Variants in GNG7 observed in about 807,000 individuals in gnomAD.
The protein encoded by GNG7 is G protein subunit gamma 7.
In GNG7, 1 loss-of-function variant was observed where a neutral mutation model predicts 4.0. The ratio of observed to expected loss-of-function variants is 0.25; its 90% CI spans 0.09 to 1.18. The LOEUF (loss-of-function observed/expected upper bound fraction) is 1.18. Ranked by LOEUF, GNG7 falls within the 50% of genes most tolerant of loss-of-function variation. GNG7 has a pLI of 0.50. For synonymous variants in GNG7, 34 were observed against 36.9 expected, an observed-to-expected ratio of 0.92 and a Z score of 0.29; for missense variants, 86 against 91.9, an observed-to-expected ratio of 0.94 and a Z score of 0.26.
intron 3 of GNG7, among the ~76,000 whole-genome samples, chr19:2,537,235 C>A (rs1978771328): frequency 1.3e-5 from 2 of 151,962 alleles, no homozygotes; most frequent in Admixed American, 1.3e-4. Flanking sequence ...AAGCATGAGC[C>A]ACCGCGCCCG....
In GNG7 at chr19:2,514,976, G is replaced by T; in HGVS notation, c.*46C>A. The T allele has an allele frequency of 6.7e-7, 1 of 1,483,000 alleles. No homozygotes were observed. Among genetic ancestry groups the T allele is most frequent in the African/African-American group, 1.4e-5 (1 of 72,492 alleles). 91.9% of individuals were successfully genotyped at this position (1,483,000 alleles called of 1,614,324 possible). ...TGAGACAGAGACAGAGACAGAGAGA[G>T]AGAGAGAGAAAGAGAGAGAGAGAGA... On this transcript the variant is annotated 3_prime_UTR_variant, in exon 5 of 5. Transcript: ENST00000382159.
chr19:2,692,453 G>A (rs893120632), intron 1 of GNG7, among the ~76,000 whole-genome samples: 2 of 151,904 alleles, frequency 1.3e-5, no homozygotes, highest in African/African-American at 2.4e-5. Flanking sequence ...GGCTAACACG[G>A]TGAAACCCCA....
intron 1 of GNG7, among the ~76,000 whole-genome samples, chr19:2,678,733 AACT>A (rs1397934409): frequency 2.0e-5 from 3 of 152,090 alleles, no homozygotes; most frequent in Admixed American, 6.5e-5. Flanking sequence ...CCAGCCTGGT[AACT>A]ACTTCTCTCA....
chr19:2,553,607 A>G (rs1239292570), intron 3 of GNG7, among the ~76,000 whole-genome samples: 1 of 146,882 alleles, frequency 6.8e-6, no homozygotes, highest in East Asian at 1.9e-4. Flanking sequence ...CATGCAATAT[A>G]TCATACTACA....
At chr19:2,527,790 G>T (rs1325164014) in intron 3 of GNG7, among the ~76,000 whole-genome samples, 1 of 142,028 alleles carries the variant, frequency 7.0e-6, no homozygotes, top group African/African-American at 2.7e-5. Flanking sequence ...CCCCCCACCA[G>T]TGCGCCCACA....
intron 2 of GNG7, among the ~76,000 whole-genome samples, chr19:2,605,612 G>C (rs7250081): frequency 0.42 from 59,075 of 140,194 alleles, 12,928 homozygotes; most frequent in African/African-American, 0.58. Context: ...CTCCTCAGCT[G>C]AAGTGATTCT....
At chr19:2,685,389 C>T (rs1012378698) in intron 1 of GNG7, among the ~76,000 whole-genome samples, 7 of 152,120 alleles carry the variant, frequency 4.6e-5, no homozygotes, top group South Asian at 2.1e-4. Flanking sequence ...TTTGGGAGGC[C>T]GAGGCTGAAG....
intron 1 of GNG7, among the ~76,000 whole-genome samples, chr19:2,687,206 C>T (rs966288044): frequency 5.3e-5 from 8 of 152,132 alleles, no homozygotes; most frequent in African/African-American, 9.6e-5. Context: ...TACAGGCATG[C>T]GCCACTATAC....
chr19:2,681,413 G>A (rs1983732870), intron 1 of GNG7, among the ~76,000 whole-genome samples: 1 of 152,102 alleles, frequency 6.6e-6, no homozygotes, highest in East Asian at 1.9e-4. Flanking sequence ...TCGATCTCCT[G>A]ACCTCATGAT....
At chr19:2,615,785 C>G (rs1004473510) in intron 2 of GNG7, among the ~76,000 whole-genome samples, 1 of 152,094 alleles carries the variant, frequency 6.6e-6, no homozygotes, top group Non-Finnish European at 1.5e-5. Context: ...TCTGAAGAGC[C>G]ACTGCTGAGC....
At chr19:2,545,416 G>C (rs1979091991) in intron 3 of GNG7, among the ~76,000 whole-genome samples, 2 of 152,030 alleles carry the variant, frequency 1.3e-5, no homozygotes, top group South Asian at 4.1e-4. Context: ...GGGAGACCGA[G>C]GCGGGCGGAT....
In GNG7 at chr19:2,614,066, G is replaced by T. The variant is rs1471200405; in HGVS notation, c.-78+32158C>A. Among the ~76,000 whole-genome samples, 1 of 152,222 alleles carries T rather than the reference G, an allele frequency of 6.6e-6. No homozygotes were observed. The highest frequency in any genetic ancestry group is 1.5e-5 in the Non-Finnish European group (1 of 68,030). ...CGCGCCTACCCCCGGGGTAAAGGGG[G>T]CCAGCCTCGCACAGGTGGGTCCGTT... On this transcript the variant is annotated intron_variant, in intron 2 of 4. Transcript: ENST00000382159. This position sits in a 1 kb window ranked among gnomAD's most constrained non-coding sequence, Gnocchi z 6.0.
intron 3 of GNG7, among the ~76,000 whole-genome samples, chr19:2,544,686 G>C (rs1979067917): frequency 6.6e-6 from 1 of 152,136 alleles, no homozygotes. Context: ...CCACCGTGCT[G>C]GGCCAACAGT....
chr19:2,619,832 TTAGA>T (rs554445840), intron 2 of GNG7, among the ~76,000 whole-genome samples: 218 of 151,910 alleles, frequency 1.4e-3, no homozygotes, highest in Non-Finnish European at 2.9e-3. Context: ...TGTTCCGGAA[TTAGA>T]TAAAGGAGAT....
chr19:2,525,970 A>ATTTTTTTTTTTTTT (rs1568231777), intron 3 of GNG7, among the ~76,000 whole-genome samples: 1 of 26,778 alleles, frequency 3.7e-5, no homozygotes, highest in African/African-American at 2.9e-4. Context: ...CCTCCACGCC[A>ATTTTTTTTTTTTTT]ATTTTTTTTT....
chr19:2,514,880 T>G lies in GNG7; in HGVS notation c.*142A>C. The G allele has an allele frequency of 1.5e-6, 1 of 683,314 alleles. No homozygotes were observed. Among genetic ancestry groups the G allele is most frequent in the Non-Finnish European group, 2.4e-6 (1 of 414,078 alleles). The allele number at this position is 683,314 out of a possible 1,614,324, so 42.3% of individuals were successfully genotyped here. A position where few individuals can be genotyped will look rare whatever the true frequency, so the allele number is the denominator to read the frequency against. On this transcript the variant is annotated 3_prime_UTR_variant, in exon 5 of 5. Transcript: ENST00000382159. The stretch of plus-strand genomic sequence containing the variant: ...CTTTTTTGGCGGGGAGAGGGGGGAT[T>G]TCTTTTGGAATTAAAGGTTTTGGGG...
rs541747170 is a variant in GNG7, at chr19:2,609,005, G to A, written c.-78+37219C>T. 7.5e-6 allele frequency among the ~76,000 whole-genome samples: 1 copy of A among 133,618 alleles called. No homozygotes were observed. Among genetic ancestry groups the A allele is most frequent in the South Asian group, 2.5e-4 (1 of 4,038 alleles). 87.7% of individuals were successfully genotyped at this position (133,618 alleles called of 152,430 possible). A position where few individuals can be genotyped will look rare whatever the true frequency, so the allele number is the denominator to read the frequency against. ...CAAACATCATGCCTACCTAGTTCTT[G>A]TACATTCTCTCTCTCTCTCTCTCTC... On this transcript the variant is annotated intron_variant, in intron 2 of 4. Coordinates refer to ENST00000382159, the MANE Select transcript of GNG7 (RefSeq NM_052847.3). This position sits in a 1 kb window ranked among gnomAD's most constrained non-coding sequence, Gnocchi z 4.4.
chr19:2,599,435 C>T (rs1286173006), intron 2 of GNG7, among the ~76,000 whole-genome samples: 2 of 152,046 alleles, frequency 1.3e-5, no homozygotes, highest in African/African-American at 2.4e-5. Context: ...ACCGCCCACC[C>T]GGGTGGGTTT....
At position 2,511,693 on chromosome 19, in the gene GNG7, C is replaced by T. The variant is rs779991684; in HGVS notation, c.*3329G>A. 3.1e-5 allele frequency: 18 copies of T among 579,582 alleles called. No individual in the cohort carries two copies. The highest frequency in any genetic ancestry group is 3.7e-5 in the Non-Finnish European group (17 of 458,892). The allele number at this position is 579,582 out of a possible 1,614,324, so 35.9% of individuals were successfully genotyped here. A position where few individuals can be genotyped will look rare whatever the true frequency, so the allele number is the denominator to read the frequency against. The stretch of plus-strand genomic sequence containing the variant: ...ATGGATGCGTGGCCTGGAGGCCTAG[C>T]GTTGCGCCTCGGACACGGTGGCCGG... On this transcript the variant is annotated 3_prime_UTR_variant, in exon 5 of 5. Coordinates refer to ENST00000382159, the MANE Select transcript of GNG7 (RefSeq NM_052847.3). This position sits in a 1 kb window ranked among gnomAD's most constrained non-coding sequence, Gnocchi z 6.3.
Sources: allele counts gnomAD v4.1 joint callset (sites outside exome capture counted in the v4.1 genomes callset), GRCh38; gene constraint gnomAD v4.1.1; non-coding constraint Gnocchi (gnomAD v3.1); transcripts MANE v1.5; gene names NCBI Gene and HGNC (gene_info 2026-07-23, HGNC 2026-07-21).